GPR39: variants seen among roughly 807,000 people sequenced by gnomAD.
The protein encoded by GPR39 is G protein-coupled receptor 39.
Under a neutral mutation model 18.4 loss-of-function variants are expected in GPR39, and 23 were observed. The observed-to-expected ratio is 1.25, with a 90% CI of 0.90 to 1.77. The LOEUF (loss-of-function observed/expected upper bound fraction) is 1.77. Among genes scored for constraint, GPR39 ranks in the 40% most tolerant of loss-of-function variants. The probability of loss-of-function intolerance (pLI) is 0.00; values close to 1 mark genes in which losing one functional copy is unlikely to be tolerated. For missense variants in GPR39, 647 were observed against 602.4 expected, an observed-to-expected ratio of 1.07 and a Z score of -0.78; for synonymous variants, 280 against 257.9, an observed-to-expected ratio of 1.09 and a Z score of -0.82.
intron 1 of GPR39, among the ~76,000 whole-genome samples, chr2:132,623,128 C>A (rs1482302040): frequency 6.6e-6 from 1 of 152,050 alleles, no homozygotes; most frequent in African/African-American, 2.4e-5. Context: ...ATAAATAAGA[C>A]CTATTTAATG....
At chr2:132,432,264 T>G (rs188293997) in intron 1 of GPR39, among the ~76,000 whole-genome samples, 110 of 152,296 alleles carry the variant, frequency 7.2e-4, no homozygotes, top group Admixed American at 2.5e-3. Context: ...AACTGCTGAC[T>G]TCTCGCTGTG....
intron 1 of GPR39, among the ~76,000 whole-genome samples, chr2:132,448,519 AAC>A (rs1455906806): frequency 2.0e-5 from 3 of 152,208 alleles, no homozygotes; most frequent in Non-Finnish European, 4.4e-5. Flanking sequence ...GGATTTGTCA[AAC>A]ACACGTCAGC....
intron 1 of GPR39, among the ~76,000 whole-genome samples, chr2:132,418,297 T>G (rs1238621648): frequency 6.6e-6 from 1 of 152,212 alleles, no homozygotes. Flanking sequence ...TCTGCAGAGA[T>G]ACAGGGAACC....
At chr2:132,570,741 C>T (rs1217926840) in intron 1 of GPR39, among the ~76,000 whole-genome samples, 1 of 152,128 alleles carries the variant, frequency 6.6e-6, no homozygotes, top group Non-Finnish European at 1.5e-5. Context: ...TGAATCTGCC[C>T]TCCCCAGGGG....
intron 1 of GPR39, among the ~76,000 whole-genome samples, chr2:132,421,715 G>T (rs1309042330): frequency 1.3e-5 from 2 of 152,184 alleles, no homozygotes; most frequent in African/African-American, 4.8e-5. Flanking sequence ...TATACATTTA[G>T]ATATTTGTGG....
At chr2:132,522,505 A>G (rs1467519018) in intron 1 of GPR39, among the ~76,000 whole-genome samples, 2 of 152,242 alleles carry the variant, frequency 1.3e-5, no homozygotes, top group African/African-American at 4.8e-5. Context: ...AAAGACGTTA[A>G]CACATTTAAT....
At chr2:132,568,316 G>T (rs1195935849) in intron 1 of GPR39, among the ~76,000 whole-genome samples, 1 of 152,040 alleles carries the variant, frequency 6.6e-6, no homozygotes, top group East Asian at 1.9e-4. Flanking sequence ...GCGGGGGTGT[G>T]ATGCTTGTCG....
chr2:132,417,912 C>A lies in GPR39; in HGVS notation c.856+14C>A. The A allele has an allele frequency of 6.4e-7, 1 of 1,561,356 alleles. No individual in the cohort carries two copies. The highest frequency in any genetic ancestry group is 1.7e-5 in the Admixed American group (1 of 57,956). ...TCATCTTCCTGAGTGAGTCCTAAGT[C>A]GGGGGCAACACGTGAGCAGCTTCCC... On this transcript the variant is annotated intron_variant, in intron 1 of 1. Coordinates refer to ENST00000329321, the MANE Select transcript of GPR39 (RefSeq NM_001508.3).
At chr2:132,569,916 A>G (rs190348410) in intron 1 of GPR39, among the ~76,000 whole-genome samples, 1 of 152,264 alleles carries the variant, frequency 6.6e-6, no homozygotes, top group Admixed American at 6.5e-5. Flanking sequence ...ACCTTCTGTC[A>G]TGATTGTGAG....
chr2:132,421,827 G>GAGA (rs1680015497), intron 1 of GPR39, among the ~76,000 whole-genome samples: 1 of 151,546 alleles, frequency 6.6e-6, no homozygotes, highest in Non-Finnish European at 1.5e-5. Flanking sequence ...GGAAGAAGAA[G>GAGA]AGAGAGAAGA....
intron 1 of GPR39, among the ~76,000 whole-genome samples, chr2:132,547,660 A>G (rs528332522): frequency 1.4e-3 from 207 of 152,306 alleles, no homozygotes; most frequent in African/African-American, 4.6e-3. Flanking sequence ...AATGCAATCT[A>G]TCTCCCTCCC....
chr2:132,620,892 A>C (rs897713427), intron 1 of GPR39, among the ~76,000 whole-genome samples: 10 of 152,112 alleles, frequency 6.6e-5, no homozygotes, highest in African/African-American at 2.2e-4. Flanking sequence ...AGCTGGGACT[A>C]CAGGTGCCCA....
intron 1 of GPR39, among the ~76,000 whole-genome samples, chr2:132,612,918 G>C (rs1416417722): frequency 3.3e-5 from 5 of 152,076 alleles, no homozygotes; most frequent in African/African-American, 1.2e-4. Flanking sequence ...GTAACCTCGA[G>C]TTTCCTAACC....
intron 1 of GPR39, among the ~76,000 whole-genome samples, chr2:132,582,174 G>A (rs538343463): frequency 9.1e-4 from 138 of 152,306 alleles, no homozygotes; most frequent in Admixed American, 2.9e-3. Flanking sequence ...CAGGTGATCC[G>A]TGAGAAGGAG....
chr2:132,615,371 G>A (rs1681316241), intron 1 of GPR39, among the ~76,000 whole-genome samples: 1 of 152,146 alleles, frequency 6.6e-6, no homozygotes, highest in Non-Finnish European at 1.5e-5. Flanking sequence ...CCCCGCTTTG[G>A]TGTTAACCTT....
intron 1 of GPR39, among the ~76,000 whole-genome samples, chr2:132,425,259 C>T (rs998275521): frequency 1.2e-4 from 19 of 152,180 alleles, no homozygotes; most frequent in Admixed American, 8.5e-4. Flanking sequence ...CCATCTTAGA[C>T]ATTTCTCAGA....
intron 1 of GPR39, among the ~76,000 whole-genome samples, chr2:132,427,834 C>G (rs1680154197): frequency 6.8e-6 from 1 of 147,792 alleles, no homozygotes; most frequent in South Asian, 2.1e-4. Context: ...GTAGCTAGGA[C>G]TACAGGTGTG....
chr2:132,494,136 G>T (rs765823112), intron 1 of GPR39, among the ~76,000 whole-genome samples: 2 of 152,056 alleles, frequency 1.3e-5, no homozygotes, highest in Non-Finnish European at 2.9e-5. Flanking sequence ...TGATTGTTAA[G>T]AGATGGGAGA....
chr2:132,435,197 C>T (rs1316594011), intron 1 of GPR39, among the ~76,000 whole-genome samples: 1 of 152,110 alleles, frequency 6.6e-6, no homozygotes, highest in East Asian at 1.9e-4. Context: ...TGGTGTATTT[C>T]TGTAAAGTTG....
Sources: allele counts gnomAD v4.1 joint callset (sites outside exome capture counted in the v4.1 genomes callset), GRCh38; gene constraint gnomAD v4.1.1; transcripts MANE v1.5; gene names NCBI Gene and HGNC (gene_info 2026-07-23, HGNC 2026-07-21).